Variants in TRHDE observed in about 807,000 individuals in gnomAD.
TRHDE encodes the protein thyrotropin-releasing hormone-degrading ectoenzyme.
In TRHDE, 72 loss-of-function variants were observed where a neutral mutation model predicts 125.7. The ratio of observed to expected loss-of-function variants is 0.57; its 90% CI spans 0.47 to 0.70. The LOEUF is 0.70. Ranked by LOEUF, TRHDE falls within the 30% of genes least tolerant of loss-of-function variation. TRHDE has a pLI of 0.00. For synonymous variants in TRHDE, 509 were observed against 509.1 expected, an observed-to-expected ratio of 1.00 and a Z score of 0.00; for missense variants, 1,110 against 1,327.1, an observed-to-expected ratio of 0.84 and a Z score of 2.54.
intron 12 of TRHDE, among the ~76,000 whole-genome samples, chr12:72,617,142 A>T (rs1193513958): frequency 1.3e-5 from 2 of 152,146 alleles, no homozygotes; most frequent in Non-Finnish European, 2.9e-5. Flanking sequence ...GAATTTGCAC[A>T]GGAAAAGTGG....
rs919473833 is a variant in TRHDE at position 72,428,080 on chromosome 12, A to T, written c.1316-41678A>T. ...TTAACAGTAGTCGTAACAGCCAGAC[A>T]TTATTCCTTTTAATATTTTGGTTCA... On this transcript the variant is annotated intron_variant, in intron 3 of 18. Transcript: ENST00000261180. Among the ~76,000 whole-genome samples the T allele has an allele frequency of 3.3e-5, 5 of 152,290 alleles. No homozygotes were observed. In the East Asian group the frequency reaches 9.7e-4, roughly 29 times the overall value.
At chr12:72,339,472 T>C (rs1869982080) in intron 2 of TRHDE, among the ~76,000 whole-genome samples, 1 of 152,156 alleles carries the variant, frequency 6.6e-6, no homozygotes, top group Non-Finnish European at 1.5e-5. Flanking sequence ...GTTTACGTTT[T>C]TTGGGGGTCT....
upstream of TRHDE, chr12:72,271,875 G>A (rs1879227188): frequency 2.2e-6 from 1 of 455,714 alleles, no homozygotes; most frequent in African/African-American, 2.0e-5. Context: ...ATCTCCGGAG[G>A]GCAGAGCAAG....
intron 2 of TRHDE, among the ~76,000 whole-genome samples, chr12:72,372,575 A>G (rs909421791): frequency 6.6e-6 from 1 of 152,170 alleles, no homozygotes; most frequent in African/African-American, 2.4e-5. Flanking sequence ...TATAAGGTGT[A>G]AGGAAGAGAT....
chr12:72,367,062 T>C (rs1871366650), intron 2 of TRHDE, among the ~76,000 whole-genome samples: 1 of 152,146 alleles, frequency 6.6e-6, no homozygotes, highest in African/African-American at 2.4e-5. Flanking sequence ...CATATCATCA[T>C]GTGCCTCCTT....
rs962113858 is a variant in TRHDE at position 72,666,432 on chromosome 12, T to G, written c.*3237T>G. On this transcript the variant is annotated 3_prime_UTR_variant, in exon 19 of 19. Transcript: ENST00000261180. ...GCCAGGCATGGTGGTGTGCACCTGT[T>G]GTCCCAGCTACTGGGGAGGCTGAGG... 6.6e-6 allele frequency: 1 copy of G among 151,954 alleles called. No individual in the cohort carries two copies. Among genetic ancestry groups the G allele is most frequent in the African/African-American group, 2.4e-5 (1 of 41,394 alleles). The allele number at this position is 151,954 out of a possible 1,614,324, so 9.4% of individuals were successfully genotyped here.
At chr12:72,152,103 G>A (rs1185515220) in intron 2 of TRHDE, among the ~76,000 whole-genome samples, 39 of 151,474 alleles carry the variant, frequency 2.6e-4, no homozygotes, top group Non-Finnish European at 5.3e-4. Flanking sequence ...CCTTGAAAAG[G>A]TCCTTCACAT....
chr12:72,151,127 A>G lies in TRHDE; in HGVS notation n.279+45375A>G, dbSNP rs181023732. Reference sequence around the variant, plus strand: ...GAGATGGTATCTCATTGTGGTTTTGATTTGCATTTCTCTGATGGCCAGTGA... The same window carrying G: ...GAGATGGTATCTCATTGTGGTTTTGGTTTGCATTTCTCTGATGGCCAGTGA... On this transcript the variant is annotated intron_variant and non_coding_transcript_variant, in intron 2 of 4. Transcript: ENST00000548156. Among the ~76,000 whole-genome samples, 104 of 152,206 alleles carry G rather than the reference A, an allele frequency of 6.8e-4. 1 individual carries two copies. In the East Asian group the frequency reaches 0.016, roughly 24 times the overall value.
At chr12:72,432,292 A>C (rs1262117621) in intron 3 of TRHDE, among the ~76,000 whole-genome samples, 1 of 152,132 alleles carries the variant, frequency 6.6e-6, no homozygotes, top group African/African-American at 2.4e-5. Flanking sequence ...AAGAAGCTGG[A>C]GCTGCTTGCT....
intron 2 of TRHDE, among the ~76,000 whole-genome samples, chr12:72,300,174 G>A (rs1880449911): frequency 1.3e-5 from 2 of 152,116 alleles, no homozygotes; most frequent in African/African-American, 2.4e-5. Context: ...TCCTCATGCA[G>A]CCTTGACCCA....
rs565283816 is a variant in TRHDE at position 72,642,668 on chromosome 12, T to G, written c.2676-9654T>G. On this transcript the variant is annotated intron_variant, in intron 15 of 18. Coordinates refer to ENST00000261180, the MANE Select transcript of TRHDE (RefSeq NM_013381.3). Reference sequence around the variant, plus strand: ...AGTTTTCCTTCCCAGATAATAAAATTCTATTAAAGAATTTAATTCTCAAGC... The same window carrying G: ...AGTTTTCCTTCCCAGATAATAAAATGCTATTAAAGAATTTAATTCTCAAGC... Among the ~76,000 whole-genome samples, 5 of 152,242 alleles carry G rather than the reference T, an allele frequency of 3.3e-5. No individual in the cohort carries two copies. The East Asian group carries it at 9.6e-4, about 29-fold the overall frequency.
chr12:72,088,803 T>G (rs1874725655), intron 1 of TRHDE, among the ~76,000 whole-genome samples: 6 of 151,964 alleles, frequency 3.9e-5, no homozygotes, highest in Admixed American at 3.9e-4. Flanking sequence ...CTCCCTTCTC[T>G]TCTCTTCTTC....
intron 3 of TRHDE, among the ~76,000 whole-genome samples, chr12:72,443,366 GCT>G (rs1210849838): frequency 6.6e-6 from 1 of 151,662 alleles, no homozygotes; most frequent in Non-Finnish European, 1.5e-5. Flanking sequence ...TGAATTAGAT[GCT>G]CTCTTTTTGT....
chr12:72,374,022 G>A (rs1471544094), intron 2 of TRHDE, among the ~76,000 whole-genome samples: 1 of 152,128 alleles, frequency 6.6e-6, no homozygotes, highest in African/African-American at 2.4e-5. Flanking sequence ...AGGAGCAAGG[G>A]ACGAGGCATC....
chr12:72,282,506 GGCACTGT>G (rs1416377943), intron 1 of TRHDE, among the ~76,000 whole-genome samples: 7 of 152,154 alleles, frequency 4.6e-5, no homozygotes, highest in African/African-American at 1.7e-4. Context: ...AAATTCTGCA[GGCACTGT>G]TGCCTGTTAA....
At chr12:72,648,243 G>C (rs1417541707) in intron 15 of TRHDE, among the ~76,000 whole-genome samples, 1 of 151,988 alleles carries the variant, frequency 6.6e-6, no homozygotes, top group East Asian at 1.9e-4. Flanking sequence ...TAAAAGGGAA[G>C]TGCCTCAACA....
intron 15 of TRHDE, among the ~76,000 whole-genome samples, chr12:72,637,989 G>T (rs1228136838): frequency 6.6e-6 from 1 of 151,880 alleles, no homozygotes; most frequent in Non-Finnish European, 1.5e-5. Flanking sequence ...TGTCGATTTG[G>T]GGTGGAGAGT....
intron 2 of TRHDE, among the ~76,000 whole-genome samples, chr12:72,261,387 T>C (rs17110960): frequency 0.03 from 4,563 of 152,272 alleles, 236 homozygotes; most frequent in African/African-American, 0.1. Flanking sequence ...CAGGCAGTCA[T>C]AACAAACTTT....
At chr12:72,250,706 G>A (rs1878662025) in intron 2 of TRHDE, among the ~76,000 whole-genome samples, 1 of 151,644 alleles carries the variant, frequency 6.6e-6, no homozygotes, top group Admixed American at 6.6e-5. Flanking sequence ...TAGATCTGAG[G>A]ATTTCTTTCC....
Sources: gnomAD v4.1 joint callset for allele counts (sites outside exome capture counted in the v4.1 genomes callset) on GRCh38, gnomAD v4.1.1 for gene constraint, MANE v1.5 for transcripts, NCBI Gene and HGNC (gene_info 2026-07-23, HGNC 2026-07-21) for gene names.